Variants in TEF observed in about 807,000 individuals in gnomAD.
TEF encodes thyrotroph embryonic factor.
TEF carries 3 observed loss-of-function variants against 20.8 expected under a neutral mutation model. The ratio of observed to expected loss-of-function variants is 0.14; its 90% CI spans 0.07 to 0.37. The LOEUF (loss-of-function observed/expected upper bound fraction) is 0.37, where lower values mean the gene tolerates loss of function less well. TEF is among the 10% of genes least tolerant of loss of function. The probability of loss-of-function intolerance (pLI) is 1.00; values close to 1 mark genes in which losing one functional copy is unlikely to be tolerated. For missense variants in TEF, 296 were observed against 397.9 expected (o/e 0.74, Z 2.18); for synonymous variants, 180 against 171.1 (o/e 1.05, Z -0.41).
chr22:41,393,598 T>G (rs2037191588), intron 2 of TEF, among the ~76,000 whole-genome samples: 1 of 151,272 alleles, frequency 6.6e-6, no homozygotes, highest in East Asian at 2.0e-4. Context: ...CTACTAAAAA[T>G]ACAAAAAAAT....
At chr22:41,386,115 C>T (rs73176686) in intron 1 of TEF, among the ~76,000 whole-genome samples, 28,234 of 152,158 alleles carry the variant, frequency 0.19, 3,734 homozygotes, top group Admixed American at 0.39. Context: ...CTGACCCCCC[C>T]GCACCTGGCC....
In TEF at chr22:41,396,574, C is replaced by T. The variant is rs1317986535; in HGVS notation, c.*614C>T. On this transcript the variant is annotated 3_prime_UTR_variant, in exon 4 of 4. Coordinates refer to ENST00000266304, the MANE Select transcript of TEF (RefSeq NM_003216.4). The stretch of plus-strand genomic sequence containing the variant: ...TGGGGCTTGGGGCTGGGGCCTGCAG[C>T]AGAAGTGTGCCCAGCGTTTCTCGGC... The T allele has an allele frequency of 2.8e-5, 5 of 181,420 alleles. No homozygotes were observed. The highest frequency in any genetic ancestry group is 1.2e-4 in the African/African-American group (5 of 42,658). 11.2% of individuals were successfully genotyped at this position (181,420 alleles called of 1,614,324 possible).
At chr22:41,380,158 A>G (rs185348959), upstream of TEF, among the ~76,000 whole-genome samples, 31 of 151,988 alleles carry the variant, frequency 2.0e-4, no homozygotes, top group East Asian at 4.9e-3. Context: ...ATTTTTATTT[A>G]TTTATTTTTT....
chr22:41,386,811 T>G (rs1231117278), intron 1 of TEF, among the ~76,000 whole-genome samples: 1 of 150,654 alleles, frequency 6.6e-6, no homozygotes, highest in Non-Finnish European at 1.5e-5. Context: ...CCCAGCACTT[T>G]GGTGGGTGGA....
upstream of TEF, among the ~76,000 whole-genome samples, chr22:41,380,358 G>T (rs2037001200): frequency 6.6e-6 from 1 of 152,180 alleles, no homozygotes; most frequent in Admixed American, 6.5e-5. Flanking sequence ...GTTTCGCCCT[G>T]TTGGCCAGGC....
chr22:41,383,110 C>G (rs2037056001), intron 1 of TEF: 1 of 456,682 alleles, frequency 2.2e-6, no homozygotes, highest in African/African-American at 2.0e-5. Flanking sequence ...TTTCCAAGAG[C>G]CATCAGTTAT....
At chr22:41,377,918 T>C (rs1460916106), upstream of TEF, among the ~76,000 whole-genome samples, 1 of 152,158 alleles carries the variant, frequency 6.6e-6, no homozygotes, top group African/African-American at 2.4e-5. Context: ...ATTATTCGTT[T>C]TGGATAACTA....
chr22:41,388,332 G>C (rs1458355805), intron 2 of TEF, among the ~76,000 whole-genome samples: 1 of 151,850 alleles, frequency 6.6e-6, no homozygotes, highest in Admixed American at 6.6e-5. Context: ...ACGGGGTTTT[G>C]CCATATTTGT....
rs1401844293 is a variant in TEF at position 41,367,500 on chromosome 22, G to A, written c.-33G>A. 1.9e-6 allele frequency: 3 copies of A among 1,548,418 alleles called. No individual in the cohort carries two copies. In the East Asian group the frequency reaches 7.3e-5, roughly 38 times the overall value. On this transcript the variant is annotated 5_prime_UTR_variant, in exon 1 of 4. Coordinates refer to the TEF transcript ENST00000406644. ...GAGCAAGCACCTCCTGCTGGGCTGT[G>A]TGAGCTGCGACTGGTTCTCAGTGGC...
chr22:41,382,158 C>G lies in TEF; in HGVS notation c.114C>G (p.Val38=). 1 of 1,242,532 alleles carries G rather than the reference C, an allele frequency of 8.0e-7. No individual in the cohort carries two copies. Among genetic ancestry groups the G allele is most frequent in the Non-Finnish European group, 1.0e-6 (1 of 994,036 alleles). The allele number at this position is 1,242,532 out of a possible 1,614,324, so 77.0% of individuals were successfully genotyped here. The change falls in exon 1 of 4, where the codon GTC becomes GTG. Residue 38 remains valine (V), a synonymous_variant. Transcript: ENST00000266304. ...GCCTGTCGGGGTCCTTCCCCCTGGT[C>G]CTGAAGAAGCTGATGGAGAACCCCC... ...ERGLSGSFPL[V]LKKLMENPPR...
intron 1 of TEF, chr22:41,369,065 C>T (rs929103100): frequency 1.3e-5 from 13 of 984,546 alleles, no homozygotes; most frequent in Non-Finnish European, 1.6e-5. Flanking sequence ...CTCCTGGCTC[C>T]CCCAAGGTGT....
At chr22:41,387,314 C>A in intron 1 of TEF, 37 bp from the exon 2 acceptor site, 2 of 1,609,392 alleles carry the variant, frequency 1.2e-6, no homozygotes, top group Non-Finnish European at 1.7e-6. Flanking sequence ...GAGTTACTCT[C>A]CTGTGTGGTA....
chr22:41,382,118 C>T lies in TEF; in HGVS notation c.74C>T (p.Ala25Val). The T allele has an allele frequency of 8.1e-7, 1 of 1,233,984 alleles. No homozygotes were observed. Among genetic ancestry groups the T allele is most frequent in the South Asian group, 4.1e-5 (1 of 24,470 alleles). 76.4% of individuals were successfully genotyped at this position (1,233,984 alleles called of 1,614,324 possible). A position where few individuals can be genotyped will look rare whatever the true frequency, so the allele number is the denominator to read the frequency against. ...GGACCCGGTCCGGGGCCGGGGCGCG[C>T]AGCTGGGGAAAGGGGCCTGTCGGGG... is the stretch of plus-strand genomic sequence containing the variant. ...QAGPGPGPGRAAGERGLSGSF... is the reference protein window; with the variant it reads ...QAGPGPGPGRVAGERGLSGSF... The change falls in exon 1 of 4, where the codon GCA (alanine) becomes GTA (valine). Residue 25 changes from alanine to valine, a missense_variant. Coordinates refer to ENST00000266304, the MANE Select transcript of TEF (RefSeq NM_003216.4).
chr22:41,370,895 T>A (rs760202763), intron 1 of TEF, among the ~76,000 whole-genome samples: 7 of 152,202 alleles, frequency 4.6e-5, no homozygotes, highest in Admixed American at 6.5e-5. Flanking sequence ...CCAACGACAA[T>A]GGCTTCTTGG....
In TEF at chr22:41,387,983, CTTTTTTTTTT is replaced by C. The variant is rs530707936; in HGVS notation, c.475+338_475+347del. Among the ~76,000 whole-genome samples, 23 of 50,112 alleles carry C rather than the reference CTTTTTTTTTT, an allele frequency of 4.6e-4. No individual in the cohort carries two copies. The South Asian group carries it at 6.5e-3, about 14-fold the overall frequency. The allele number at this position is 50,112 out of a possible 152,430, so 32.9% of individuals were successfully genotyped here. A position where few individuals can be genotyped will look rare whatever the true frequency, so the allele number is the denominator to read the frequency against. On this transcript the variant is annotated intron_variant, in intron 2 of 3. Transcript: ENST00000266304. ...CATTCTGCATTTCCTCAATGCTGCT[CTTTTTTTTTT>C]TTTTTTTTTTTTTTTTTTTTTTGAG...
intron 1 of TEF, among the ~76,000 whole-genome samples, chr22:41,369,537 G>A (rs1462344436): frequency 1.3e-5 from 2 of 152,200 alleles, no homozygotes; most frequent in Non-Finnish European, 2.9e-5. Context: ...AGAGCCACAG[G>A]ACTCACAATG....
upstream of TEF, chr22:41,377,196 C>A (rs571240561): frequency 1.3e-5 from 2 of 152,088 alleles, no homozygotes; most frequent in African/African-American, 2.4e-5. Flanking sequence ...GAACGCTTCA[C>A]GAATCTGCAT....
intron 2 of TEF, among the ~76,000 whole-genome samples, chr22:41,393,482 C>T (rs1315530447): frequency 5.3e-5 from 8 of 151,860 alleles, no homozygotes; most frequent in East Asian, 1.9e-4. Context: ...TTAGGCTGGG[C>T]GCAGTGGCTC....
At position 41,395,732 on chromosome 22, in the gene TEF, C is replaced by T. The variant is rs975107079; in HGVS notation, c.697-13C>T. ...GGAAAGACGAGAGACTCACAGAGGG[C>T]ACTTCCCCACAGGATGAAAAGTACT... On this transcript the variant is annotated splice_polypyrimidine_tract_variant and intron_variant, in intron 3 of 3. Coordinates refer to ENST00000266304, the MANE Select transcript of TEF (RefSeq NM_003216.4). 3.1e-6 allele frequency: 5 copies of T among 1,610,270 alleles called. No individual in the cohort carries two copies. Among genetic ancestry groups the T allele is most frequent in the African/African-American group, 2.7e-5 (2 of 74,818 alleles).
Sources: allele counts gnomAD v4.1 joint callset (sites outside exome capture counted in the v4.1 genomes callset), GRCh38; gene constraint gnomAD v4.1.1; transcripts MANE v1.5; gene names NCBI Gene and HGNC (gene_info 2026-07-23, HGNC 2026-07-21).